CTNNA3: variants seen among roughly 807,000 people sequenced by gnomAD.
The protein encoded by CTNNA3 is catenin alpha 3, also known as catenin alpha-3.
Under a neutral mutation model 95.7 loss-of-function variants are expected in CTNNA3, and 76 were observed. The observed-to-expected ratio is 0.79, with a 90% confidence interval of 0.66 to 0.96. The LOEUF is 0.96. CTNNA3 is among the 40% of genes least tolerant of loss of function. The probability of loss-of-function intolerance (pLI) is 0.00; values close to 1 mark genes in which losing one functional copy is unlikely to be tolerated. For synonymous variants in CTNNA3, 431 were observed against 374.4 expected (o/e 1.15, Z -1.74); for missense variants, 1,191 against 1,089.8 (o/e 1.09, Z -1.31).
At chr10:66,205,510 C>T (rs2087702877) in intron 13 of CTNNA3, among the ~76,000 whole-genome samples, 1 of 151,892 alleles carries the variant, frequency 6.6e-6, no homozygotes. Context: ...AAGTTCTCAA[C>T]TCCTAACTTA....
chr10:65,966,669 G>T lies in CTNNA3; in HGVS notation c.2343C>A (p.Ile781=). The change falls in exon 17 of 18, where the codon ATC becomes ATA. Residue 781 remains isoleucine, a synonymous_variant. Coordinates refer to ENST00000433211, the MANE Select transcript of CTNNA3 (RefSeq NM_013266.4). ...GGATCTCAGCTTTAACTTGACTGCA[G>T]ATTTTCAGTTGGTGGGAGTAGAACT... The part of the protein sequence containing the change: ...QIKFYSHQLK[I]CSQVKAEIQN... 1 of 1,613,940 alleles carries T rather than the reference G, an allele frequency of 6.2e-7. No individual in the cohort carries two copies. Among genetic ancestry groups the T allele is most frequent in the Non-Finnish European group, 8.5e-7 (1 of 1,179,866 alleles).
intron 1 of CTNNA3, among the ~76,000 whole-genome samples, chr10:67,742,484 T>C (rs1017514480): frequency 6.6e-6 from 1 of 150,970 alleles, no homozygotes; most frequent in Admixed American, 6.6e-5. Context: ...CCAGAATCTC[T>C]GGGACACATT....
intron 11 of CTNNA3, among the ~76,000 whole-genome samples, chr10:66,392,573 G>C (rs75364208): frequency 0.016 from 2,470 of 152,186 alleles, 71 homozygotes; most frequent in African/African-American, 0.057. Context: ...ATTAAAAAAT[G>C]AGCAAAAGAT....
chr10:67,175,653 A>C (rs888752712), intron 7 of CTNNA3, among the ~76,000 whole-genome samples: 3 of 152,162 alleles, frequency 2.0e-5, no homozygotes, highest in African/African-American at 7.2e-5. Context: ...TAGCAGCATT[A>C]TCTCTCACTC....
intron 11 of CTNNA3, among the ~76,000 whole-genome samples, chr10:66,428,409 G>T (rs2093263044): frequency 6.6e-6 from 1 of 152,120 alleles, no homozygotes; most frequent in Non-Finnish European, 1.5e-5. Flanking sequence ...AGACCTAATA[G>T]ACATCTATAG....
At chr10:66,660,043 A>G (rs146193653) in intron 9 of CTNNA3, among the ~76,000 whole-genome samples, 252 of 152,120 alleles carry the variant, frequency 1.7e-3, no homozygotes, top group African/African-American at 5.6e-3. Flanking sequence ...GATGGTCTCA[A>G]ACTCCTGGTC....
intron 10 of CTNNA3, among the ~76,000 whole-genome samples, chr10:66,592,404 C>A (rs1004896241): frequency 6.6e-6 from 1 of 152,068 alleles, no homozygotes; most frequent in Admixed American, 6.6e-5. Flanking sequence ...TACCTACTTA[C>A]CAAAACCCTT....
chr10:67,374,138 A>G (rs1415633662), intron 5 of CTNNA3, among the ~76,000 whole-genome samples: 1 of 152,194 alleles, frequency 6.6e-6, no homozygotes, highest in African/African-American at 2.4e-5. Context: ...AAATTTTTCT[A>G]TAAAGAGCCA....
At chr10:67,223,164 T>C (rs1349320834) in intron 5 of CTNNA3, among the ~76,000 whole-genome samples, 1 of 152,192 alleles carries the variant, frequency 6.6e-6, no homozygotes, top group Non-Finnish European at 1.5e-5. Flanking sequence ...AGAGTTTATG[T>C]AAGGAAAACT....
intron 12 of CTNNA3, among the ~76,000 whole-genome samples, chr10:66,327,476 A>G (rs1004310672): frequency 3.3e-5 from 5 of 152,190 alleles, no homozygotes; most frequent in African/African-American, 9.6e-5. Flanking sequence ...AGATACATTA[A>G]GGTGTTAAGG....
intron 5 of CTNNA3, among the ~76,000 whole-genome samples, chr10:67,428,346 T>C (rs545614452): frequency 1.3e-5 from 2 of 152,160 alleles, no homozygotes; most frequent in African/African-American, 4.8e-5. Context: ...AAATTATTTA[T>C]ATATCATTAA....
chr10:66,747,025 C>A (rs2132715219), intron 9 of CTNNA3, among the ~76,000 whole-genome samples: 1 of 152,112 alleles, frequency 6.6e-6, no homozygotes, highest in South Asian at 2.1e-4. Flanking sequence ...AAAGTCTTTT[C>A]ATCAATATAA....
chr10:67,074,110 A>T (rs1856610451), intron 7 of CTNNA3, among the ~76,000 whole-genome samples: 1 of 133,480 alleles, frequency 7.5e-6, no homozygotes, highest in African/African-American at 2.9e-5. Flanking sequence ...ATCTTGGCTC[A>T]TTACAACCTC....
At chr10:67,332,771 T>G (rs1374879069) in intron 5 of CTNNA3, among the ~76,000 whole-genome samples, 1 of 152,190 alleles carries the variant, frequency 6.6e-6, no homozygotes, top group African/African-American at 2.4e-5. Context: ...AAGAAGGTAT[T>G]TCTCCTACAG....
chr10:67,386,359 A>G (rs941221662), intron 5 of CTNNA3, among the ~76,000 whole-genome samples: 4 of 152,152 alleles, frequency 2.6e-5, no homozygotes, highest in Non-Finnish European at 4.4e-5. Flanking sequence ...TTCTTTATAC[A>G]GACATTACAT....
intron 9 of CTNNA3, among the ~76,000 whole-genome samples, chr10:66,707,595 G>C (rs1015760579): frequency 1.3e-5 from 2 of 152,004 alleles, no homozygotes; most frequent in African/African-American, 4.8e-5. Context: ...GGAGTGCCAA[G>C]TATCCTTAAG....
intron 7 of CTNNA3, among the ~76,000 whole-genome samples, chr10:67,135,376 A>G (rs1325635854): frequency 1.3e-5 from 2 of 152,154 alleles, no homozygotes; most frequent in African/African-American, 4.8e-5. Flanking sequence ...ATATGCAGTA[A>G]CAACAATGGA....
intron 1 of CTNNA3, among the ~76,000 whole-genome samples, chr10:67,743,409 A>G (rs563461247): frequency 6.6e-6 from 1 of 151,170 alleles, no homozygotes; most frequent in Non-Finnish European, 1.5e-5. Context: ...ACCACATGAT[A>G]ATCTCAATAG....
chr10:67,665,404 T>C (rs1840308470), intron 1 of CTNNA3: 1 of 152,228 alleles, frequency 6.6e-6, no homozygotes, highest in Admixed American at 6.5e-5. Context: ...CATAATAGTT[T>C]CTATTCATCC....
Sources: gnomAD v4.1 joint callset for allele counts (sites outside exome capture counted in the v4.1 genomes callset) on GRCh38, gnomAD v4.1.1 for gene constraint, MANE v1.5 for transcripts, NCBI Gene and HGNC (gene_info 2026-07-23, HGNC 2026-07-21) for gene names.